WDR35: variants seen among roughly 807,000 people sequenced by gnomAD.
WDR35 encodes WD repeat domain 35, also known as WD repeat-containing protein 35.
In WDR35, 118 loss-of-function variants were observed where a neutral mutation model predicts 158.3. The ratio of observed to expected loss-of-function variants is 0.75; its 90% CI spans 0.64 to 0.87. WDR35 has a LOEUF of 0.87. Among genes scored for constraint, WDR35 ranks in the 40% least tolerant of loss-of-function variants. The probability of loss-of-function intolerance (pLI) is 0.00; values close to 1 mark genes in which losing one functional copy is unlikely to be tolerated. For missense variants in WDR35, 1,263 were observed against 1,405.8 expected (o/e 0.90, Z 1.62); for synonymous variants, 448 against 476.1 (o/e 0.94, Z 0.77).
At chr2:19,931,466 C>T (rs2103397291) in intron 23 of WDR35, 57 bp from the exon 24 acceptor site, 1 of 1,588,850 alleles carries the variant, frequency 6.3e-7, no homozygotes, top group Non-Finnish European at 8.6e-7. Context: ...TGTACAAATA[C>T]AATCATTTCC....
rs1670885261 is a variant in WDR35 at position 19,941,779 on chromosome 2, G to T, written c.1906C>A (p.Leu636Ile). 3 of 1,567,242 alleles carry T rather than the reference G, an allele frequency of 1.9e-6. No individual in the cohort carries two copies. Among genetic ancestry groups the T allele is most frequent in the Non-Finnish European group, 2.6e-6 (3 of 1,146,902 alleles). Residue 636 changes from leucine to isoleucine, a missense_variant, in exon 17 of 27, where the codon CTT (leucine) becomes ATT (isoleucine). Leu to Ile is a conservative substitution (Grantham distance 5). Coordinates refer to ENST00000281405, the MANE Select transcript of WDR35 (RefSeq NM_020779.4). ...ATTACCTTTAATATCTCATCCAAAA[G>T]AACAGATTTAATTTCTAAATCCTCA... ...NFEDLEIKSV[L>I]LDEILKDPEH...
chr2:19,946,263 T>TA (rs1365707081), intron 15 of WDR35, among the ~76,000 whole-genome samples, 198 bp downstream of exon 15: 7 of 152,060 alleles, frequency 4.6e-5, no homozygotes, highest in Non-Finnish European at 7.4e-5. Context: ...GCTTTAAGAG[T>TA]AAAAAATTAT....
intron 25 of WDR35, among the ~76,000 whole-genome samples, chr2:19,925,455 C>T (rs1459773806): frequency 6.6e-6 from 1 of 152,124 alleles, no homozygotes; most frequent in Non-Finnish European, 1.5e-5. Context: ...AAACGTCCTA[C>T]CTGTGAAGTA....
At chr2:19,925,779 A>C (rs1670337943) in intron 25 of WDR35, among the ~76,000 whole-genome samples, 1 of 152,178 alleles carries the variant, frequency 6.6e-6, no homozygotes, top group African/African-American at 2.4e-5. Context: ...TCAACATATA[A>C]TGCATGAAAT....
At chr2:19,966,559 C>A (rs1249947705) in intron 10 of WDR35, among the ~76,000 whole-genome samples, 165 bp downstream of exon 10, 1 of 152,078 alleles carries the variant, frequency 6.6e-6, no homozygotes, top group Admixed American at 6.6e-5. Flanking sequence ...AGGGACACAG[C>A]ATCAATGGAG....
chr2:19,960,652 C>G (rs1190759627), intron 10 of WDR35, 38 bp from the exon 11 acceptor site: 1 of 1,453,222 alleles, frequency 6.9e-7, no homozygotes. Flanking sequence ...AGAACTCCTG[C>G]TTATGAATAA....
intron 19 of WDR35, among the ~76,000 whole-genome samples, chr2:19,937,173 C>T (rs753321404): frequency 5.9e-5 from 9 of 152,254 alleles, no homozygotes; most frequent in South Asian, 2.1e-4. Context: ...ACAGACTCTC[C>T]GCCTTGTGGT....
Position 19,914,242 on chromosome 2 carries a change from G to A in WDR35, c.3157C>T (p.Pro1053Ser). 2 of 1,613,878 alleles carry A rather than the reference G, an allele frequency of 1.2e-6. No individual in the cohort carries two copies. Among genetic ancestry groups the A allele is most frequent in the South Asian group, 1.1e-5 (1 of 91,056 alleles). Residue 1053 changes from proline to serine, a missense_variant, in exon 26 of 27, where the codon CCT (proline) becomes TCT (serine). Coordinates refer to ENST00000281405, the MANE Select transcript of WDR35 (RefSeq NM_020779.4). ...HLKDYEDIIPPVEIYSLLALC... is the reference protein window; with the variant it reads ...HLKDYEDIIPSVEIYSLLALC... Reference sequence around the variant, plus strand: ...GCTAGCAGAGAGTAGATCTCCACAGGAGGGATGATGTCTTCATAGTCTTTC... The same window carrying A: ...GCTAGCAGAGAGTAGATCTCCACAGAAGGGATGATGTCTTCATAGTCTTTC...
At chr2:19,930,870 T>C (rs1670504642) in intron 24 of WDR35, among the ~76,000 whole-genome samples, 1 of 152,186 alleles carries the variant, frequency 6.6e-6, no homozygotes, top group South Asian at 2.1e-4. Flanking sequence ...ATTCATAGTT[T>C]GTTAAACTGG....
intron 16 of WDR35, among the ~76,000 whole-genome samples, chr2:19,943,062 CCTAA>C (rs1027126772): frequency 2.0e-5 from 3 of 151,996 alleles, no homozygotes; most frequent in Admixed American, 6.6e-5. Context: ...TTTGCATATA[CCTAA>C]CTAAGTGAAT....
chr2:19,965,805 A>G (rs1353803843), intron 10 of WDR35, among the ~76,000 whole-genome samples: 1 of 152,172 alleles, frequency 6.6e-6, no homozygotes, highest in Non-Finnish European at 1.5e-5. Flanking sequence ...TCTTTTCTGC[A>G]TAATCTCTGG....
At chr2:19,915,060 T>C (rs969152379) in intron 25 of WDR35, among the ~76,000 whole-genome samples, 1 of 152,058 alleles carries the variant, frequency 6.6e-6, no homozygotes, top group African/African-American at 2.4e-5. Flanking sequence ...GTTCTGTACA[T>C]GTACCCCAGA....
chr2:19,983,379 T>C (rs1339153276), intron 2 of WDR35, among the ~76,000 whole-genome samples: 1 of 152,198 alleles, frequency 6.6e-6, no homozygotes, highest in African/African-American at 2.4e-5. Flanking sequence ...GCTGGAGTGA[T>C]AGGCACAAGA....
intron 25 of WDR35, 54 bp downstream of exon 25, chr2:19,930,342 C>T: frequency 1.2e-6 from 2 of 1,612,564 alleles, no homozygotes; most frequent in Admixed American, 3.3e-5. Flanking sequence ...GCTAGCCCTT[C>T]ATACTCAATT....
At chr2:19,988,527 A>C (rs1049595324) in intron 2 of WDR35, among the ~76,000 whole-genome samples, 1 of 152,326 alleles carries the variant, frequency 6.6e-6, no homozygotes, top group Middle Eastern at 3.4e-3. Flanking sequence ...TTTATGGAAG[A>C]CTAAACTAAA....
intron 3 of WDR35, among the ~76,000 whole-genome samples, chr2:19,981,995 C>A (rs1672397081): frequency 6.6e-6 from 1 of 152,096 alleles, no homozygotes; most frequent in African/African-American, 2.4e-5. Context: ...TTACTTATGT[C>A]TCAACAGAAA....
chr2:19,941,313 A>C (rs1670867165), intron 17 of WDR35, among the ~76,000 whole-genome samples: 1 of 152,140 alleles, frequency 6.6e-6, no homozygotes, highest in Non-Finnish European at 1.5e-5. Context: ...GGAAAGATAG[A>C]TCTCTAAAAA....
Position 19,937,917 on chromosome 2 carries a change from T to C in WDR35, c.2093A>G (p.Lys698Arg). ...WRLLAEAALQ[K>R]LDLYTAEQAF... ...TTGCTCTGCAGTGTATAGATCCAGT[T>C]TCTGAAGAGCTGCTTCAGCCAGTAG... The change falls in exon 19 of 27, where the codon AAA becomes AGA. Residue 698 changes from lysine to arginine, a missense_variant. Physicochemically the swap from Lys to Arg is conservative, Grantham distance 26. Coordinates refer to ENST00000281405, the MANE Select transcript of WDR35 (RefSeq NM_020779.4). The C allele has an allele frequency of 1.9e-6, 3 of 1,614,136 alleles. No homozygotes were observed. Among genetic ancestry groups the C allele is most frequent in the Non-Finnish European group, 2.5e-6 (3 of 1,180,018 alleles).
chr2:19,936,793 C>T (rs539881990), intron 19 of WDR35, among the ~76,000 whole-genome samples: 6 of 152,214 alleles, frequency 3.9e-5, no homozygotes, highest in East Asian at 3.9e-4. Context: ...AACTTGTTGA[C>T]GCCTTGATCT....
Sources: allele counts gnomAD v4.1 joint callset (sites outside exome capture counted in the v4.1 genomes callset), GRCh38; gene constraint gnomAD v4.1.1; transcripts MANE v1.5; gene names NCBI Gene and HGNC (gene_info 2026-07-23, HGNC 2026-07-21).